RALGAPA2: variants seen among roughly 807,000 people sequenced by gnomAD.
The protein encoded by RALGAPA2 is ral GTPase-activating protein subunit alpha-2.
A neutral mutation model predicts 230.4 loss-of-function variants in RALGAPA2; 139 were observed. That is an observed-to-expected ratio of 0.60 (90% CI 0.53 to 0.69). RALGAPA2 has a LOEUF of 0.69. Among genes scored for constraint, RALGAPA2 ranks in the 30% least tolerant of loss-of-function variants. RALGAPA2 has a pLI of 0.00. For synonymous variants in RALGAPA2, 847 were observed against 837.8 expected, an observed-to-expected ratio of 1.01 and a Z score of -0.19; for missense variants, 2,163 against 2,276.0, an observed-to-expected ratio of 0.95 and a Z score of 1.01.
intron 37 of RALGAPA2, among the ~76,000 whole-genome samples, chr20:20,448,296 A>G (rs976827124): frequency 2.0e-5 from 3 of 152,218 alleles, no homozygotes; most frequent in Non-Finnish European, 4.4e-5. Context: ...AGTGTAGTTT[A>G]ATCTCAATGT....
chr20:20,667,400 A>G (rs1218997357), intron 3 of RALGAPA2, among the ~76,000 whole-genome samples: 1 of 152,226 alleles, frequency 6.6e-6, no homozygotes, highest in Non-Finnish European at 1.5e-5. Flanking sequence ...AATCCCAAAC[A>G]TAACTACACC....
chr20:20,420,949 T>A (rs545497292), intron 37 of RALGAPA2, among the ~76,000 whole-genome samples: 1 of 152,194 alleles, frequency 6.6e-6, no homozygotes, highest in African/African-American at 2.4e-5. Context: ...GTATAGAGGA[T>A]GCACAAGAAA....
chr20:20,538,382 G>A (rs1205207924), intron 24 of RALGAPA2, among the ~76,000 whole-genome samples: 1 of 152,156 alleles, frequency 6.6e-6, no homozygotes, highest in African/African-American at 2.4e-5. Flanking sequence ...GTTGAGTAGG[G>A]AAGAGGAAGG....
intron 5 of RALGAPA2, among the ~76,000 whole-genome samples, chr20:20,642,729 G>A (rs551659239): frequency 2.0e-5 from 3 of 152,154 alleles, no homozygotes; most frequent in Admixed American, 6.5e-5. Context: ...CTACAGTGAC[G>A]CTAGGAATAA....
Position 20,524,886 on chromosome 20 carries a change from T to C in RALGAPA2, c.3706A>G (p.Thr1236Ala), listed in dbSNP as rs1178303517. 4 of 1,608,120 alleles carry C rather than the reference T, an allele frequency of 2.5e-6. No individual in the cohort carries two copies. Among genetic ancestry groups the C allele is most frequent in the Non-Finnish European group, 2.5e-6 (3 of 1,177,006 alleles). ...GCACTTGGTAAAAGAAAAGCAACTG[T>C]GGCCACGAGGATCTGCATAAAAGAT... ...PRKMAEILVA[T>A]VAFLLPSAEY... Residue 1236 changes from threonine (T) to alanine (A), a missense_variant, in exon 29 of 40, where the codon ACA becomes GCA. By Grantham distance (58) the Thr-to-Ala change is moderately conservative. Coordinates refer to ENST00000202677, the MANE Select transcript of RALGAPA2 (RefSeq NM_020343.4).
At chr20:20,660,102 G>A (rs572624117) in intron 3 of RALGAPA2, 92 of 168,072 alleles carry the variant, frequency 5.5e-4, no homozygotes, top group Admixed American at 4.1e-3. Context: ...AAAATTAGCC[G>A]GGGGCCGTGA....
chr20:20,563,804 ACATATTTCT>A lies in RALGAPA2; in HGVS notation c.3156+7645_3156+7653del, dbSNP rs1346707488. Among the ~76,000 whole-genome samples the A allele has an allele frequency of 2.0e-5, 3 of 152,004 alleles. No individual in the cohort carries two copies. The East Asian group carries it at 5.8e-4, about 29-fold the overall frequency. Reference sequence around the variant, plus strand: ...ATCAGTACTACATCCTACCTCTCCAACATATTTCTCACACACAGACAAACACACACACAC... The same window carrying A: ...ATCAGTACTACATCCTACCTCTCCAACACACACAGACAAACACACACACAC... On this transcript the variant is annotated intron_variant, in intron 23 of 39. Coordinates refer to ENST00000202677, the MANE Select transcript of RALGAPA2 (RefSeq NM_020343.4).
intron 37 of RALGAPA2, among the ~76,000 whole-genome samples, chr20:20,420,246 G>C (rs2060249509): frequency 6.6e-6 from 1 of 152,162 alleles, no homozygotes; most frequent in Admixed American, 6.5e-5. Flanking sequence ...GGGCACAGGA[G>C]GCCCGAATGG....
chr20:20,395,559 A>G (rs1037577770), intron 39 of RALGAPA2, among the ~76,000 whole-genome samples: 1 of 152,216 alleles, frequency 6.6e-6, no homozygotes, highest in African/African-American at 2.4e-5. Context: ...AGGGGACTGT[A>G]CAACCCTTCT....
chr20:20,572,868 A>G lies in RALGAPA2; in HGVS notation c.2901+7T>C, dbSNP rs1210347. The G allele has an allele frequency of 0.073, 110,850 of 1,512,936 alleles. 4,599 individuals carry two copies. Among genetic ancestry groups the G allele is most frequent in the African/African-American group, 0.14 (10,260 of 72,240 alleles). The allele number at this position is 1,512,936 out of a possible 1,614,324, so 93.7% of individuals were successfully genotyped here. On this transcript the variant is annotated splice_region_variant and intron_variant, in intron 21 of 39. Transcript: ENST00000202677. ...ATTAGAATAAAAAGTAACATAGCAG[A>G]ACTTACCTTTGCTAGTTTGTACCAG...
intron 37 of RALGAPA2, among the ~76,000 whole-genome samples, chr20:20,416,326 T>C (rs925986444): frequency 6.6e-6 from 1 of 152,112 alleles, no homozygotes; most frequent in African/African-American, 2.4e-5. Context: ...CAAACCCCCT[T>C]TAGGCTACAC....
intron 9 of RALGAPA2, among the ~76,000 whole-genome samples, chr20:20,633,833 C>T (rs1275977066): frequency 6.6e-6 from 1 of 152,128 alleles, no homozygotes; most frequent in African/African-American, 2.4e-5. Flanking sequence ...CTGACATTTG[C>T]TTCAGTATGT....
At chr20:20,598,355 T>C (rs2065526725) in intron 16 of RALGAPA2, among the ~76,000 whole-genome samples, 1 of 152,166 alleles carries the variant, frequency 6.6e-6, no homozygotes, top group Non-Finnish European at 1.5e-5. Context: ...GAAAATCCCC[T>C]TACTTTCTAT....
chr20:20,535,894 T>C, intron 25 of RALGAPA2, 91 bp from the exon 26 acceptor site: 2 of 1,456,364 alleles, frequency 1.4e-6, no homozygotes, highest in Admixed American at 4.9e-5. Flanking sequence ...CAGGAGCTAC[T>C]GAAGTTCGAC....
chr20:20,550,924 A>G (rs2063906106), intron 23 of RALGAPA2, among the ~76,000 whole-genome samples: 1 of 152,200 alleles, frequency 6.6e-6, no homozygotes, highest in Non-Finnish European at 1.5e-5. Flanking sequence ...TAATTCAGTG[A>G]ACTATTATTT....
At chr20:20,675,646 T>C (rs2068293672) in intron 3 of RALGAPA2, among the ~76,000 whole-genome samples, 1 of 152,120 alleles carries the variant, frequency 6.6e-6, no homozygotes, top group Admixed American at 6.5e-5. Context: ...GCTTAATAAG[T>C]CAAAAACCAC....
intron 6 of RALGAPA2, among the ~76,000 whole-genome samples, chr20:20,640,337 T>G (rs1438314308): frequency 6.6e-6 from 1 of 152,210 alleles, no homozygotes; most frequent in Non-Finnish European, 1.5e-5. Flanking sequence ...GAATGTCCAC[T>G]TACGAACAAC....
At position 20,392,300 on chromosome 20, in the gene RALGAPA2, G is replaced by C. The variant is rs1257783657; in HGVS notation, c.*989C>G. 1 of 152,272 alleles carries C rather than the reference G, an allele frequency of 6.6e-6. No individual in the cohort carries two copies. Among genetic ancestry groups the C allele is most frequent in the Non-Finnish European group, 1.5e-5 (1 of 68,052 alleles). 9.4% of individuals were successfully genotyped at this position (152,272 alleles called of 1,614,324 possible). A position where few individuals can be genotyped will look rare whatever the true frequency, so the allele number is the denominator to read the frequency against. On this transcript the variant is annotated 3_prime_UTR_variant, in exon 40 of 40. Coordinates refer to ENST00000202677, the MANE Select transcript of RALGAPA2 (RefSeq NM_020343.4). The stretch of plus-strand genomic sequence containing the variant: ...TGGAATCGGCTACCAAAAGCTTTGT[G>C]TGACAAGAAACATTTCTGAGGCCTG...
At chr20:20,503,715 A>C (rs1452761458) in intron 34 of RALGAPA2, among the ~76,000 whole-genome samples, 2 of 152,260 alleles carry the variant, frequency 1.3e-5, no homozygotes, top group Non-Finnish European at 2.9e-5. Context: ...CAATCATATC[A>C]ACTGAATAAA....
Sources: gnomAD v4.1 joint callset for allele counts (sites outside exome capture counted in the v4.1 genomes callset) on GRCh38, gnomAD v4.1.1 for gene constraint, MANE v1.5 for transcripts, NCBI Gene and HGNC (gene_info 2026-07-23, HGNC 2026-07-21) for gene names.